SAP130: variants seen among roughly 807,000 people sequenced by gnomAD.
SAP130 encodes Sin3A associated protein 130, also known as histone deacetylase complex subunit SAP130.
In SAP130, 16 loss-of-function variants were observed where a neutral mutation model predicts 103.2. That is an observed-to-expected ratio of 0.16 (90% CI 0.10 to 0.24). The LOEUF is 0.24. Among genes scored for constraint, SAP130 ranks in the 10% least tolerant of loss-of-function variants. SAP130 has a pLI of 1.00. For missense variants in SAP130, 990 were observed against 1,359.7 expected (o/e 0.73, Z 4.28); for synonymous variants, 477 against 497.0 (o/e 0.96, Z 0.53).
chr2:127,946,523 G>C lies in SAP130; in HGVS notation c.2798-964C>G, dbSNP rs181002000. Among the ~76,000 whole-genome samples the C allele has an allele frequency of 2.7e-3, 411 of 152,066 alleles. 2 individuals carry two copies. The highest frequency in any genetic ancestry group is 9.6e-3 in the African/African-American group (397 of 41,486). On this transcript the variant is annotated intron_variant, in intron 18 of 20. Transcript: ENST00000643581. ...TTTTTCTTCTTTAGCTTTTGTTGTG[G>C]GTTGAATGGTTTTCCCCCCAAAGAC...
intron 18 of SAP130, among the ~76,000 whole-genome samples, chr2:127,947,528 A>G (rs1319795008): frequency 2.0e-5 from 3 of 152,322 alleles, no homozygotes; most frequent in East Asian, 3.9e-4. Context: ...TGATAGCATG[A>G]AAATATTGGC....
At chr2:128,002,518 G>A (rs1191055094) in intron 7 of SAP130, among the ~76,000 whole-genome samples, 1 of 151,912 alleles carries the variant, frequency 6.6e-6, no homozygotes, top group African/African-American at 2.4e-5. Context: ...GACAGCGCAA[G>A]AGTCTGTCTC....
chr2:127,971,568 T>C (rs1473490456), intron 15 of SAP130, among the ~76,000 whole-genome samples: 1 of 152,368 alleles, frequency 6.6e-6, no homozygotes, highest in East Asian at 1.9e-4. Context: ...ATTACAGGCA[T>C]GAGCCACCGT....
chr2:127,942,109 G>A lies in SAP130; in HGVS notation c.3071C>T (p.Ser1024Phe). ...TTTATGATCTAAAACCTTAAGCATG[G>A]AGTCTCTGGCTTCACTGATTTGATC... ...VMDQISEARD[S>F]MLKVLDHKDR... Residue 1024 changes from serine to phenylalanine, a missense_variant, in exon 21 of 21, where the codon TCC (serine) becomes TTC (phenylalanine). Transcript: ENST00000643581. The surrounding 1 kb of genome is among the most constrained non-coding windows in gnomAD (Gnocchi z 4.8). 2.5e-6 allele frequency: 4 copies of A among 1,608,934 alleles called. No homozygotes were observed. Among genetic ancestry groups the A allele is most frequent in the Non-Finnish European group, 3.4e-6 (4 of 1,178,622 alleles).
intron 2 of SAP130, among the ~76,000 whole-genome samples, chr2:128,023,381 G>A (rs923953970): frequency 1.3e-5 from 2 of 152,162 alleles, no homozygotes; most frequent in Admixed American, 1.3e-4. Context: ...AGCTCAAAGC[G>A]ATCCACCTGC....
chr2:128,012,286 A>G (rs1292713907), intron 6 of SAP130, among the ~76,000 whole-genome samples: 2 of 152,136 alleles, frequency 1.3e-5, no homozygotes, highest in East Asian at 1.9e-4. Flanking sequence ...CCTGGCCAAC[A>G]GGGTGAAATC....
intron 14 of SAP130, among the ~76,000 whole-genome samples, chr2:127,984,088 C>T (rs1008345419): frequency 8.5e-5 from 13 of 152,062 alleles, no homozygotes; most frequent in African/African-American, 3.1e-4. Flanking sequence ...TTTCTCCTAT[C>T]GTTTTCTCCA....
At chr2:127,990,383 A>G (rs769982013) in intron 12 of SAP130, among the ~76,000 whole-genome samples, 16 of 152,092 alleles carry the variant, frequency 1.1e-4, no homozygotes, top group Non-Finnish European at 2.4e-4. Context: ...AGAAAACAAG[A>G]GCATTCACAG....
intron 7 of SAP130, among the ~76,000 whole-genome samples, chr2:128,003,729 T>C (rs1218273816): frequency 1.3e-5 from 1 of 77,988 alleles, no homozygotes; most frequent in Non-Finnish European, 2.5e-5. Context: ...ATCTGTTGTC[T>C]AATCACCATA....
intron 1 of SAP130, chr2:128,027,373 C>G (rs1685594139): frequency 2.6e-6 from 3 of 1,145,662 alleles, no homozygotes; most frequent in South Asian, 8.8e-5. Context: ...CAGGACCAAT[C>G]CACAGCGACC....
At chr2:127,976,302 A>G (rs750386460) in intron 15 of SAP130, among the ~76,000 whole-genome samples, 7 of 152,172 alleles carry the variant, frequency 4.6e-5, no homozygotes, top group South Asian at 4.1e-4. Context: ...CTTTTTCTGT[A>G]AATCATCACC....
chr2:127,954,252 A>G (rs1056341831), intron 16 of SAP130, among the ~76,000 whole-genome samples: 1 of 152,214 alleles, frequency 6.6e-6, no homozygotes, highest in Admixed American at 6.5e-5. Context: ...AACTACAGAC[A>G]CAGCACAATC....
intron 2 of SAP130, among the ~76,000 whole-genome samples, chr2:128,023,491 A>G: frequency 6.6e-6 from 1 of 152,126 alleles, no homozygotes; most frequent in East Asian, 1.9e-4. Context: ...TATTTTACTG[A>G]AAAGACCATC....
chr2:127,944,648 G>A (rs771291819), intron 19 of SAP130, among the ~76,000 whole-genome samples: 3 of 151,962 alleles, frequency 2.0e-5, no homozygotes, highest in Non-Finnish European at 4.4e-5. Context: ...CCATGGTCTC[G>A]AACTCCTGAC....
At chr2:127,958,978 T>C (rs943642554) in intron 15 of SAP130, among the ~76,000 whole-genome samples, 1 of 152,144 alleles carries the variant, frequency 6.6e-6, no homozygotes, top group Non-Finnish European at 1.5e-5. Context: ...TGATTTCCCA[T>C]CTAAAATTCT....
At chr2:128,016,593 G>A (rs1365999637) in intron 3 of SAP130, 46 bp from the exon 4 acceptor site, 1 of 1,558,844 alleles carries the variant, frequency 6.4e-7, no homozygotes, top group Admixed American at 1.9e-5. Context: ...CCTCATACTG[G>A]TGATGCATTT....
chr2:127,945,449 C>T lies in SAP130; in HGVS notation c.2901+7G>A. 2.6e-6 allele frequency: 4 copies of T among 1,550,024 alleles called. No homozygotes were observed. The highest frequency in any genetic ancestry group is 1.4e-5 in the African/African-American group (1 of 73,754). ...GCATGATGAACAACTGCTAGAACTC[C>T]ACCTACCAGCTGTAGTAACTGGGCA... On this transcript the variant is annotated splice_region_variant and intron_variant, in intron 19 of 20. Transcript: ENST00000643581.
At chr2:128,008,398 C>T (rs1684122471) in intron 7 of SAP130, among the ~76,000 whole-genome samples, 1 of 152,102 alleles carries the variant, frequency 6.6e-6, no homozygotes, top group Non-Finnish European at 1.5e-5. Flanking sequence ...CAGGATCTCG[C>T]TCTGTTGCCC....
At chr2:127,972,682 T>C (rs1319809001) in intron 15 of SAP130, among the ~76,000 whole-genome samples, 1 of 152,002 alleles carries the variant, frequency 6.6e-6, no homozygotes, top group East Asian at 1.9e-4. Flanking sequence ...CACCTGAGCC[T>C]GGGAGGCAGA....
Sources: allele counts gnomAD v4.1 joint callset (sites outside exome capture counted in the v4.1 genomes callset), GRCh38; gene constraint gnomAD v4.1.1; non-coding constraint Gnocchi (gnomAD v3.1); transcripts MANE v1.5; gene names NCBI Gene and HGNC (gene_info 2026-07-23, HGNC 2026-07-21).